The following SHANK2 variants were observed in gnomAD, a reference collection of about 807,000 sequenced individuals.
SHANK2 encodes SH3 and multiple ankyrin repeat domains 2, also known as SH3 and multiple ankyrin repeat domains protein 2.
In SHANK2, 43 loss-of-function variants were observed where a neutral mutation model predicts 133.7. The ratio of observed to expected loss-of-function variants is 0.32; its 90% CI spans 0.25 to 0.41. The LOEUF is 0.41. SHANK2 is among the 10% of genes least tolerant of loss of function. The pLI is 1.00. For missense variants in SHANK2, 1,994 were observed against 2,235.8 expected, an observed-to-expected ratio of 0.89 and a Z score of 2.18; for synonymous variants, 1,017 against 952.8, an observed-to-expected ratio of 1.07 and a Z score of -1.24.
intron 17 of SHANK2, among the ~76,000 whole-genome samples, chr11:70,602,808 A>C (rs1170345599): frequency 1.3e-5 from 2 of 152,248 alleles, no homozygotes; most frequent in Non-Finnish European, 1.5e-5. Flanking sequence ...TACATTTTAC[A>C]ATATTAAACA....
At chr11:70,726,271 G>A (rs1385873691) in intron 14 of SHANK2, among the ~76,000 whole-genome samples, 1 of 152,192 alleles carries the variant, frequency 6.6e-6, no homozygotes, top group African/African-American at 2.4e-5. Context: ...GGGTTTGGAA[G>A]CTGGGGATAA....
intron 10 of SHANK2, among the ~76,000 whole-genome samples, chr11:70,940,624 C>T (rs1950634060): frequency 6.6e-6 from 1 of 152,002 alleles, no homozygotes; most frequent in South Asian, 2.1e-4. Context: ...CTGATAATTC[C>T]CCCCAGAACC....
intron 10 of SHANK2, among the ~76,000 whole-genome samples, chr11:70,905,327 C>A (rs367790449): frequency 6.6e-6 from 1 of 152,228 alleles, no homozygotes; most frequent in Non-Finnish European, 1.5e-5. Flanking sequence ...AAGACGCCCA[C>A]CCGCACACCC....
intron 2 of SHANK2, among the ~76,000 whole-genome samples, chr11:71,162,810 C>A (rs182417267): frequency 3.3e-5 from 5 of 151,902 alleles, no homozygotes; most frequent in African/African-American, 1.2e-4. Context: ...TGGTGGCTCA[C>A]GCCTGTTATC....
chr11:70,703,692 C>T (rs1184818550), intron 14 of SHANK2, among the ~76,000 whole-genome samples: 1 of 152,208 alleles, frequency 6.6e-6, no homozygotes, highest in Non-Finnish European at 1.5e-5. Flanking sequence ...CCCTGTGCAC[C>T]AGTGACAACA....
chr11:70,557,784 G>A (rs1057344355), intron 17 of SHANK2, among the ~76,000 whole-genome samples: 1 of 152,182 alleles, frequency 6.6e-6, no homozygotes, highest in Admixed American at 6.5e-5. Flanking sequence ...GGGCCTGCAC[G>A]TTTCCAACGG....
chr11:70,501,670 C>T (rs1301796714), intron 20 of SHANK2, among the ~76,000 whole-genome samples: 1 of 152,234 alleles, frequency 6.6e-6, no homozygotes, highest in Non-Finnish European at 1.5e-5. Context: ...AGTCAGAGGG[C>T]CAGAGCCTCT....
intron 3 of SHANK2, among the ~76,000 whole-genome samples, chr11:71,143,263 A>G (rs1220102958): frequency 2.6e-5 from 4 of 152,088 alleles, no homozygotes; most frequent in Admixed American, 2.0e-4. Flanking sequence ...CAAACAAAAA[A>G]CCCACAGAGG....
At chr11:70,820,015 C>T (rs781830675) in intron 12 of SHANK2, among the ~76,000 whole-genome samples, 1 of 152,178 alleles carries the variant, frequency 6.6e-6, no homozygotes, top group Non-Finnish European at 1.5e-5. Flanking sequence ...TGCCTCTCTC[C>T]CTCTTGACAT....
rs1256601836 is a variant in SHANK2, at chr11:70,541,143, G to A, written c.2062-38212C>T. ...TAATATCCTCAAGGGTCCTCCATAG[G>A]AGGCCTTTGTAGCCAGTGTCGGTTT... On this transcript the variant is annotated intron_variant, in intron 17 of 25. Transcript: ENST00000601538. Among the ~76,000 whole-genome samples the A allele has an allele frequency of 2.0e-5, 3 of 152,180 alleles. No homozygotes were observed. In the East Asian group the frequency reaches 5.8e-4, roughly 29 times the overall value.
intron 9 of SHANK2, among the ~76,000 whole-genome samples, chr11:71,067,234 CA>C (rs1286214415): frequency 3.3e-5 from 5 of 152,222 alleles, no homozygotes; most frequent in African/African-American, 1.2e-4. Flanking sequence ...GGGACACCAG[CA>C]AGGGCACAGA....
chr11:70,581,089 A>T (rs1554985332), intron 17 of SHANK2, among the ~76,000 whole-genome samples: 1 of 152,230 alleles, frequency 6.6e-6, no homozygotes, highest in Non-Finnish European at 1.5e-5. Context: ...AGGCACCTGG[A>T]CCAAGAATAG....
At chr11:71,056,604 A>G (rs1237949282) in intron 9 of SHANK2, 46 bp from the exon 10 acceptor site, 1 of 152,234 alleles carries the variant, frequency 6.6e-6, no homozygotes, top group Non-Finnish European at 1.5e-5. Flanking sequence ...GGTAGCACAG[A>G]CATTCTCCAA....
chr11:71,111,318 C>T (rs1311925694), intron 5 of SHANK2, among the ~76,000 whole-genome samples: 3 of 152,190 alleles, frequency 2.0e-5, no homozygotes, highest in African/African-American at 7.2e-5. Context: ...TGTGGTGAAC[C>T]CCATGGCCAC....
chr11:70,566,319 C>T (rs1172538389), intron 17 of SHANK2: 1 of 152,154 alleles, frequency 6.6e-6, no homozygotes, highest in Non-Finnish European at 1.5e-5. Context: ...CTGCCATCGT[C>T]CATCTCATCG....
chr11:70,895,175 C>A (rs1304551071), intron 11 of SHANK2, among the ~76,000 whole-genome samples: 1 of 152,208 alleles, frequency 6.6e-6, no homozygotes, highest in African/African-American at 2.4e-5. Flanking sequence ...ATGACGCAAG[C>A]CATGCATCTG....
chr11:70,841,684 C>T (rs782786953), intron 11 of SHANK2, among the ~76,000 whole-genome samples: 2 of 152,232 alleles, frequency 1.3e-5, no homozygotes, highest in Non-Finnish European at 2.9e-5. Context: ...CCCTTAGGCA[C>T]TAGAGCCAGC....
intron 14 of SHANK2, among the ~76,000 whole-genome samples, chr11:70,781,851 T>G (rs1280850567): frequency 5.3e-5 from 8 of 149,900 alleles, no homozygotes; most frequent in Non-Finnish European, 1.0e-4. Context: ...AGCAAAGACT[T>G]GGAACCAACC....
chr11:70,739,254 G>A lies in SHANK2; in HGVS notation c.1778-40491C>T, dbSNP rs145292579. Among the ~76,000 whole-genome samples the A allele has an allele frequency of 6.6e-5, 10 of 152,266 alleles. No homozygotes were observed. The East Asian group carries it at 1.7e-3, about 27-fold the overall frequency. ...CTTCAGGGGCACACAAAGCCCAGAC[G>A]CAGACCCGGGGCATCTCCCATCTCC... On this transcript the variant is annotated intron_variant, in intron 14 of 25. Transcript: ENST00000601538. This position sits in a 1 kb window ranked among gnomAD's most constrained non-coding sequence, Gnocchi z 4.3.
Sources: allele counts gnomAD v4.1 joint callset (sites outside exome capture counted in the v4.1 genomes callset), GRCh38; gene constraint gnomAD v4.1.1; non-coding constraint Gnocchi (gnomAD v3.1); transcripts MANE v1.5; gene names NCBI Gene and HGNC (gene_info 2026-07-23, HGNC 2026-07-21).